ADAMTS5: variants seen among roughly 807,000 people sequenced by gnomAD.
The protein encoded by ADAMTS5 is A disintegrin and metalloproteinase with thrombospondin motifs 5.
Under a neutral mutation model 81.4 loss-of-function variants are expected in ADAMTS5, and 54 were observed. The observed-to-expected ratio is 0.66, with a 90% CI of 0.53 to 0.83. The LOEUF is 0.83. Among genes scored for constraint, ADAMTS5 ranks in the 40% least tolerant of loss-of-function variants. ADAMTS5 has a pLI of 0.00. For missense variants in ADAMTS5, 1,194 were observed against 1,229.9 expected, an observed-to-expected ratio of 0.97 and a Z score of 0.44; for synonymous variants, 532 against 508.8, an observed-to-expected ratio of 1.05 and a Z score of -0.61.
rs2830581 is a variant in ADAMTS5 at position 26,921,481 on chromosome 21, G to C, written c.*2572C>G. The stretch of plus-strand genomic sequence containing the variant: ...TTTTTTTTTAAAGAAGTAGCCCCTA[G>C]CATCCTGAATTCTAGACATTTTAAA... On this transcript the variant is annotated 3_prime_UTR_variant, in exon 8 of 8. Transcript: ENST00000284987. 6.2e-5 allele frequency: 9 copies of C among 146,276 alleles called. 1 individual carries two copies. The highest frequency in any genetic ancestry group is 2.3e-4 in the African/African-American group (9 of 39,680). The allele number at this position is 146,276 out of a possible 1,614,324, so 9.1% of individuals were successfully genotyped here.
chr21:26,930,177 A>C, intron 6 of ADAMTS5, 116 bp from the exon 7 acceptor site: 1 of 856,214 alleles, frequency 1.2e-6, no homozygotes, highest in South Asian at 3.1e-5. Context: ...TGGACAGTCC[A>C]TTGAAAAAAA....
At chr21:26,955,015 A>G in intron 1 of ADAMTS5, 144 bp from the exon 2 acceptor site, 1 of 982,718 alleles carries the variant, frequency 1.0e-6, no homozygotes, top group Non-Finnish European at 1.5e-6. Context: ...CCAAAGGCAA[A>G]CTCAAGGCAG....
At position 26,966,818 on chromosome 21, in the gene ADAMTS5, C is replaced by A. The variant is rs1568857828; in HGVS notation, c.-427G>T. Among the ~76,000 whole-genome samples the A allele has an allele frequency of 1.3e-5, 2 of 152,164 alleles. No homozygotes were observed. Among genetic ancestry groups the A allele is most frequent in the Non-Finnish European group, 2.9e-5 (2 of 68,042 alleles). ...ACTGGTGCGCGCAGCCTCCCGCCCC[C>A]GCGCTGCGCTGGACAAGCCGGCTGT... On this transcript the variant is annotated 5_prime_UTR_variant, in exon 1 of 8. Coordinates refer to ENST00000284987, the MANE Select transcript of ADAMTS5 (RefSeq NM_007038.5).
At chr21:26,948,895 G>C (rs1251965337) in intron 2 of ADAMTS5, among the ~76,000 whole-genome samples, 1 of 152,100 alleles carries the variant, frequency 6.6e-6, no homozygotes, top group Non-Finnish European at 1.5e-5. Context: ...ATTAGTTGTT[G>C]ACCTTAGACG....
At chr21:26,941,885 G>A (rs1212016242) in intron 3 of ADAMTS5, among the ~76,000 whole-genome samples, 2 of 151,940 alleles carry the variant, frequency 1.3e-5, no homozygotes, top group Non-Finnish European at 2.9e-5. Flanking sequence ...TTCATTTTAG[G>A]ACTTTATCTG....
At chr21:26,946,899 G>A (rs1987226152) in intron 2 of ADAMTS5, among the ~76,000 whole-genome samples, 1 of 152,138 alleles carries the variant, frequency 6.6e-6, no homozygotes, top group South Asian at 2.1e-4. Context: ...TTTTTGGAGA[G>A]TCAGAGTGTT....
chr21:26,966,056 G>T lies in ADAMTS5; in HGVS notation c.336C>A (p.Gly112=). Residue 112 remains glycine (G), a synonymous_variant, in exon 1 of 8, where the codon GGC becomes GGA. Transcript: ENST00000284987. ...LERDGSVGIA[G]FVPAGGGTSA... The stretch of plus-strand genomic sequence containing the variant: ...TCGTCCCGCCTCCTGCGGGCACGAA[G>T]CCAGCAATGCCCACCGAACCATCTC... 1 of 1,613,230 alleles carries T rather than the reference G, an allele frequency of 6.2e-7. No individual in the cohort carries two copies.
At chr21:26,931,810 C>T (rs1390342299) in intron 6 of ADAMTS5, among the ~76,000 whole-genome samples, 194 bp downstream of exon 6, 1 of 152,152 alleles carries the variant, frequency 6.6e-6, no homozygotes, top group Non-Finnish European at 1.5e-5. Context: ...TTTACTTGTT[C>T]TGTTTATAAA....
In ADAMTS5 at chr21:26,955,659, A is replaced by C. The variant is rs1320053859; in HGVS notation, c.1105-788T>G. Among the ~76,000 whole-genome samples the C allele has an allele frequency of 3.3e-5, 5 of 152,338 alleles. No individual in the cohort carries two copies. In the East Asian group the frequency reaches 7.7e-4, roughly 23 times the overall value. On this transcript the variant is annotated intron_variant, in intron 1 of 7. Transcript: ENST00000284987. ...GAAAGGGACCTCAACAAGCCTCTTGAGATATGAAACATAAAGAGAAAATAT... is the reference window on the plus strand; with the variant it reads ...GAAAGGGACCTCAACAAGCCTCTTGCGATATGAAACATAAAGAGAAAATAT...
chr21:26,944,237 C>G lies in ADAMTS5; in HGVS notation c.1238-690G>C, dbSNP rs551689953. Reference sequence around the variant, plus strand: ...CATATAGCTCATTTTGAAAACATACCCATTTACATTTTAAAATGTCAAAAT... The same window carrying G: ...CATATAGCTCATTTTGAAAACATACGCATTTACATTTTAAAATGTCAAAAT... On this transcript the variant is annotated intron_variant, in intron 2 of 7. Coordinates refer to ENST00000284987, the MANE Select transcript of ADAMTS5 (RefSeq NM_007038.5). Among the ~76,000 whole-genome samples the G allele has an allele frequency of 4.3e-4, 66 of 152,100 alleles. No homozygotes were observed. In the Middle Eastern group the frequency reaches 0.01, roughly 24 times the overall value.
At chr21:26,937,051 G>T (rs1987027168) in intron 3 of ADAMTS5, among the ~76,000 whole-genome samples, 1 of 152,154 alleles carries the variant, frequency 6.6e-6, no homozygotes, top group South Asian at 2.1e-4. Flanking sequence ...CTAAATATTA[G>T]CTAGGAAGTC....
chr21:26,966,028 C>T lies in ADAMTS5; in HGVS notation c.364G>A (p.Ala122Thr), dbSNP rs1466763432. The change falls in exon 1 of 8, where the codon GCG becomes ACG. Residue 122 changes from alanine (A) to threonine (T), a missense_variant. Physicochemically the swap from Ala to Thr is moderately conservative, Grantham distance 58. This residue lies in a region of ADAMTS5 where 498 missense variants were observed against 412.3 expected (regional missense o/e 1.21). Coordinates refer to ENST00000284987, the MANE Select transcript of ADAMTS5 (RefSeq NM_007038.5). ...CAGTGGCTCCGGTGGCGCCAGGGCG[C>T]ACTCGTCCCGCCTCCTGCGGGCACG... The part of the protein sequence containing the change: ...GFVPAGGGTS[A>T]PWRHRSHCFY... 1 of 1,612,932 alleles carries T rather than the reference C, an allele frequency of 6.2e-7. No individual in the cohort carries two copies. The highest frequency in any genetic ancestry group is 1.3e-5 in the African/African-American group (1 of 74,940).
At chr21:26,925,621 G>A (rs1349362178) in intron 7 of ADAMTS5, among the ~76,000 whole-genome samples, 2 of 152,130 alleles carry the variant, frequency 1.3e-5, no homozygotes, top group Non-Finnish European at 2.9e-5. Context: ...TTCATAATAG[G>A]GTCCCTTCAC....
chr21:26,948,860 G>A (rs575943694), intron 2 of ADAMTS5, among the ~76,000 whole-genome samples: 36 of 152,210 alleles, frequency 2.4e-4, no homozygotes, highest in African/African-American at 8.4e-4. Context: ...AGATGGATTG[G>A]GTTTTAATCT....
intron 2 of ADAMTS5, 99 bp from the exon 3 acceptor site, chr21:26,943,646 T>C: frequency 8.8e-7 from 1 of 1,140,316 alleles, no homozygotes; most frequent in Non-Finnish European, 1.2e-6. Context: ...CCCCTAATTG[T>C]AGATGAGTTC....
chr21:26,966,152 G>C lies in ADAMTS5; in HGVS notation c.240C>G (p.Leu80=). The C allele has an allele frequency of 1.2e-6, 2 of 1,611,214 alleles. No individual in the cohort carries two copies. Among genetic ancestry groups the C allele is most frequent in the South Asian group, 1.1e-5 (1 of 90,802 alleles). ...SKGLVQNIDQ[L]YSGGGKVGYL... is the part of the protein sequence containing the mutation. ...AGCCCACCTTGCCGCCGCCGGAGTA[G>C]AGTTGGTCGATGTTCTGCACCAGCC... Residue 80 remains leucine (L), a synonymous_variant, in exon 1 of 8, where the codon CTC becomes CTG. Transcript: ENST00000284987.
intron 6 of ADAMTS5, among the ~76,000 whole-genome samples, chr21:26,930,274 G>A (rs1986883638): frequency 6.6e-6 from 1 of 151,970 alleles, no homozygotes; most frequent in African/African-American, 2.4e-5. Context: ...GATAAGCCTA[G>A]GTTACACATT....
rs1986768570 is a variant in ADAMTS5, at chr21:26,924,471, A to G, written c.2375T>C (p.Ile792Thr). Residue 792 changes from isoleucine (I) to threonine (T), a missense_variant, in exon 8 of 8, where the codon ATC becomes ACC. This residue lies in a region of ADAMTS5 where 696 missense variants were observed against 817.6 expected (regional missense o/e 0.85). Transcript: ENST00000284987. ...GTCAATGATAGTCTCTGAAGTGGAG[A>G]TCATGTACTTTCCATTGATAAGGTA... ...GEYLINGKYMISTSETIIDIN... is the reference protein window; with the variant it reads ...GEYLINGKYMTSTSETIIDIN... 6.2e-7 allele frequency: 1 copy of G among 1,614,034 alleles called. No individual in the cohort carries two copies. The highest frequency in any genetic ancestry group is 1.1e-5 in the South Asian group (1 of 91,092).
chr21:26,940,047 A>T (rs973343603), intron 3 of ADAMTS5, among the ~76,000 whole-genome samples: 2 of 152,164 alleles, frequency 1.3e-5, no homozygotes, highest in African/African-American at 4.8e-5. Context: ...ATCAGGAAAC[A>T]CTCAGTACTA....
Sources: gnomAD v4.1 joint callset for allele counts (sites outside exome capture counted in the v4.1 genomes callset) on GRCh38, gnomAD v4.1.1 for gene constraint, gnomAD v4.1.1 regional missense constraint, MANE v1.5 for transcripts, NCBI Gene and HGNC (gene_info 2026-07-23, HGNC 2026-07-21) for gene names.